GRB2: variants seen among roughly 807,000 people sequenced by gnomAD.
GRB2 encodes growth factor receptor-bound protein 2.
Under a neutral mutation model 27.4 loss-of-function variants are expected in GRB2, and 2 were observed. That is an observed-to-expected ratio of 0.07 (90% CI 0.03 to 0.23). The LOEUF is 0.23. Ranked by LOEUF, GRB2 falls within the 10% of genes least tolerant of loss-of-function variation. The probability of loss-of-function intolerance (pLI) is 1.00; values close to 1 mark genes in which losing one functional copy is unlikely to be tolerated. For missense variants in GRB2, 102 were observed against 282.4 expected, an observed-to-expected ratio of 0.36 and a Z score of 4.58; for synonymous variants, 94 against 99.6, an observed-to-expected ratio of 0.94 and a Z score of 0.33.
chr17:75,321,593 C>CATTTT, intron 5 of GRB2, 66 bp downstream of exon 5: 1 of 1,482,494 alleles, frequency 6.7e-7, no homozygotes, highest in Non-Finnish European at 9.3e-7. Flanking sequence ...CCCTTTCCTA[C>CATTTT]AGGAATGCAC....
At chr17:75,328,940 AAAATAAATAAATAAAT>A (rs3047534) in intron 3 of GRB2, among the ~76,000 whole-genome samples, 2 of 147,020 alleles carry the variant, frequency 1.4e-5, no homozygotes, top group Non-Finnish European at 3.0e-5. Context: ...TCGCTTTCAA[AAAATAAATAAATAAAT>A]AAATAAATAA....
chr17:75,400,894 T>C (rs1003526685), intron 1 of GRB2, among the ~76,000 whole-genome samples: 1 of 152,062 alleles, frequency 6.6e-6, no homozygotes, highest in African/African-American at 2.4e-5. Flanking sequence ...CATACACATA[T>C]ACACCCACAC....
At chr17:75,353,715 GCGCCAC>G (rs1470060486) in intron 2 of GRB2, among the ~76,000 whole-genome samples, 2 of 145,086 alleles carry the variant, frequency 1.4e-5, no homozygotes, top group Non-Finnish European at 3.0e-5. Context: ...AGCCGAGACT[GCGCCAC>G]TGCACTCCAG....
At chr17:75,397,562 T>C (rs1365901583) in intron 1 of GRB2, among the ~76,000 whole-genome samples, 1 of 152,164 alleles carries the variant, frequency 6.6e-6, no homozygotes, top group African/African-American at 2.4e-5. Flanking sequence ...ACTCTCTTCT[T>C]CCCAAAATTC....
At chr17:75,334,474 T>C (rs1645290393) in intron 2 of GRB2, among the ~76,000 whole-genome samples, 1 of 151,966 alleles carries the variant, frequency 6.6e-6, no homozygotes, top group Admixed American at 6.6e-5. Context: ...CCCAGCCGAT[T>C]TATTTATTTT....
chr17:75,388,034 T>A (rs2078975768), intron 2 of GRB2, among the ~76,000 whole-genome samples: 2 of 152,260 alleles, frequency 1.3e-5, no homozygotes, highest in South Asian at 4.1e-4. Flanking sequence ...AAAATGAATA[T>A]AATAAAAAGC....
At chr17:75,398,994 C>T (rs911271018) in intron 1 of GRB2, among the ~76,000 whole-genome samples, 3 of 151,712 alleles carry the variant, frequency 2.0e-5, no homozygotes, top group Non-Finnish European at 4.4e-5. Context: ...GTGATCCGCC[C>T]ACTTTGCCCT....
chr17:75,350,064 T>C (rs1044571890), intron 2 of GRB2, among the ~76,000 whole-genome samples: 4 of 148,378 alleles, frequency 2.7e-5, no homozygotes, highest in Non-Finnish European at 4.5e-5. Context: ...AAAAAATACA[T>C]AGTCAAGACT....
chr17:75,397,352 C>A (rs2079034963), intron 1 of GRB2, among the ~76,000 whole-genome samples: 1 of 152,154 alleles, frequency 6.6e-6, no homozygotes, highest in African/African-American at 2.4e-5. Context: ...CTGTTCACTT[C>A]CCAAGAAAAT....
intron 2 of GRB2, among the ~76,000 whole-genome samples, chr17:75,335,819 C>T (rs977629597): frequency 6.6e-6 from 1 of 151,966 alleles, no homozygotes; most frequent in South Asian, 2.1e-4. Flanking sequence ...TTTTGTTTCT[C>T]GTAAAAAAAT....
intron 1 of GRB2, among the ~76,000 whole-genome samples, chr17:75,400,647 T>TTTC: frequency 6.6e-6 from 1 of 151,902 alleles, no homozygotes; most frequent in African/African-American, 2.4e-5. Context: ...ATTTTTGAAT[T>TTTC]TTCTTTTTTT....
chr17:75,320,736 G>A lies in GRB2; in HGVS notation c.469-183C>T, dbSNP rs1283104855. ...TATTCTAAGTTTACAGGCCAAGCGG[G>A]TTTAGTGTGATATTTCCCAGTGCTC... On this transcript the variant is annotated intron_variant, in intron 5 of 5. Transcript: ENST00000316804. The surrounding 1 kb of genome is among the most constrained non-coding windows in gnomAD (Gnocchi z 4.3). 2.0e-5 allele frequency among the ~76,000 whole-genome samples: 3 copies of A among 152,092 alleles called. No homozygotes were observed. Among genetic ancestry groups the A allele is most frequent in the South Asian group, 4.1e-4 (2 of 4,826 alleles).
chr17:75,341,556 C>T (rs1459979179), intron 2 of GRB2, among the ~76,000 whole-genome samples: 1 of 151,090 alleles, frequency 6.6e-6, no homozygotes, highest in Non-Finnish European at 1.5e-5. Flanking sequence ...GACTTAGCAC[C>T]TTTTAAACAT....
intron 1 of GRB2, among the ~76,000 whole-genome samples, chr17:75,395,234 A>G (rs536113441): frequency 8.3e-4 from 127 of 152,212 alleles, no homozygotes; most frequent in African/African-American, 3.0e-3. Flanking sequence ...ATCGTCTGAC[A>G]ATGAGTCCTT....
intron 3 of GRB2, among the ~76,000 whole-genome samples, chr17:75,328,266 G>C (rs2078513487): frequency 6.6e-6 from 1 of 151,960 alleles, no homozygotes; most frequent in African/African-American, 2.4e-5. Context: ...AGAGGTTGTA[G>C]TGAGCCGAGA....
intron 2 of GRB2, among the ~76,000 whole-genome samples, chr17:75,384,527 G>A (rs192104796): frequency 1.1e-4 from 17 of 152,106 alleles, no homozygotes; most frequent in East Asian, 9.7e-4. Context: ...AAAATAAGCC[G>A]GGCGTGGTGG....
chr17:75,371,174 AC>A (rs1338393127), intron 2 of GRB2: 1 of 152,170 alleles, frequency 6.6e-6, no homozygotes, highest in Admixed American at 6.5e-5. Flanking sequence ...ATAAAAAATA[AC>A]ACTGATTAAG....
intron 3 of GRB2, among the ~76,000 whole-genome samples, chr17:75,328,948 T>A (rs953058622): frequency 1.1e-4 from 16 of 147,138 alleles, no homozygotes; most frequent in African/African-American, 4.2e-4. Context: ...AAAAAATAAA[T>A]AAATAAATAA....
chr17:75,361,003 C>T (rs111338395), intron 2 of GRB2, among the ~76,000 whole-genome samples: 14 of 151,996 alleles, frequency 9.2e-5, no homozygotes, highest in African/African-American at 2.9e-4. Context: ...AACTCCTGGC[C>T]TCAAGCGATC....
Sources: gnomAD v4.1 joint callset for allele counts (sites outside exome capture counted in the v4.1 genomes callset) on GRCh38, gnomAD v4.1.1 for gene constraint, Gnocchi (gnomAD v3.1) non-coding constraint, MANE v1.5 for transcripts, NCBI Gene and HGNC (gene_info 2026-07-23, HGNC 2026-07-21) for gene names.